Variants in PDS5B observed in about 807,000 individuals in gnomAD.
PDS5B encodes the protein sister chromatid cohesion protein PDS5 homolog B.
PDS5B carries 51 observed loss-of-function variants against 184.1 expected under a neutral mutation model. The ratio of observed to expected loss-of-function variants is 0.28; its 90% CI spans 0.22 to 0.35. The LOEUF (loss-of-function observed/expected upper bound fraction) is 0.35, where lower values mean the gene tolerates loss of function less well. Among genes scored for constraint, PDS5B ranks in the 10% least tolerant of loss-of-function variants. The pLI is 1.00. For missense variants in PDS5B, 1,180 were observed against 1,723.3 expected, an observed-to-expected ratio of 0.68 and a Z score of 5.58; for synonymous variants, 566 against 569.2, an observed-to-expected ratio of 0.99 and a Z score of 0.08.
intron 13 of PDS5B, among the ~76,000 whole-genome samples, chr13:32,693,729 AC>A (rs1279114558): frequency 1.3e-4 from 20 of 150,896 alleles, no homozygotes; most frequent in African/African-American, 4.6e-4. Context: ...TATATCGAGT[AC>A]CTGTATGATT....
chr13:32,643,981 G>A (rs1045835420), intron 1 of PDS5B, among the ~76,000 whole-genome samples: 6 of 152,264 alleles, frequency 3.9e-5, no homozygotes, highest in African/African-American at 1.4e-4. Context: ...AGATAATCAT[G>A]TTGTCTGGAT....
rs200018260 is a variant in PDS5B, at chr13:32,664,909, A to G, written c.625-2855A>G. On this transcript the variant is annotated intron_variant, in intron 6 of 34. Transcript: ENST00000315596. ...AGCATGTGCACTTGTGTGTAATTTG[A>G]CAAGATGAATCTAAAACTGATGTGA... Among the ~76,000 whole-genome samples, 7 of 152,334 alleles carry G rather than the reference A, an allele frequency of 4.6e-5. No individual in the cohort carries two copies. The East Asian group carries it at 1.3e-3, about 29-fold the overall frequency.
At chr13:32,758,413 C>A in intron 27 of PDS5B, 121 bp from the exon 28 acceptor site, 1 of 1,062,408 alleles carries the variant, frequency 9.4e-7, no homozygotes, top group African/African-American at 1.6e-5. Context: ...GATGCTTACA[C>A]AGACTGTTGC....
At chr13:32,673,457 G>C in intron 8 of PDS5B, 101 bp downstream of exon 8, 1 of 921,436 alleles carries the variant, frequency 1.1e-6, no homozygotes, top group East Asian at 2.6e-5. Context: ...GAATGTAAGA[G>C]ATGAGGGGGA....
intron 13 of PDS5B, among the ~76,000 whole-genome samples, chr13:32,693,747 G>T (rs971492117): frequency 6.6e-6 from 1 of 150,744 alleles, no homozygotes; most frequent in Non-Finnish European, 1.5e-5. Flanking sequence ...GATTTTTTTA[G>T]ATTTAAATTT....
At chr13:32,669,660 C>T (rs757385024) in intron 7 of PDS5B, among the ~76,000 whole-genome samples, 9 of 152,090 alleles carry the variant, frequency 5.9e-5, no homozygotes, top group Non-Finnish European at 1.0e-4. Context: ...TAGAATCCTT[C>T]CCCCATGAAC....
chr13:32,696,456 C>G lies in PDS5B; in HGVS notation c.1552-398C>G, dbSNP rs148789076. Among the ~76,000 whole-genome samples, 353 of 152,064 alleles carry G rather than the reference C, an allele frequency of 2.3e-3. 2 individuals carry two copies. Among genetic ancestry groups the G allele is most frequent in the African/African-American group, 8.2e-3 (342 of 41,506 alleles). ...TACGTGTCAGTCACATCTTAATTGT[C>G]TTTCTCCAGTGTCTTCCCCATAAGC... On this transcript the variant is annotated intron_variant, in intron 14 of 34. Coordinates refer to ENST00000315596, the MANE Select transcript of PDS5B (RefSeq NM_015032.4).
At chr13:32,691,518 A>G (rs1348803803) in intron 13 of PDS5B, among the ~76,000 whole-genome samples, 1 of 152,120 alleles carries the variant, frequency 6.6e-6, no homozygotes, top group African/African-American at 2.4e-5. Flanking sequence ...TACACATGCA[A>G]GAGTTTCTCT....
chr13:32,639,779 C>G (rs1430011604), intron 1 of PDS5B, among the ~76,000 whole-genome samples: 2 of 152,176 alleles, frequency 1.3e-5, no homozygotes, highest in African/African-American at 2.4e-5. Context: ...TTTACAAAAT[C>G]TTATGTTTTC....
chr13:32,613,719 C>T (rs1182904887), intron 1 of PDS5B, among the ~76,000 whole-genome samples: 1 of 152,140 alleles, frequency 6.6e-6, no homozygotes, highest in Admixed American at 6.6e-5. Flanking sequence ...GCTTCTGAAG[C>T]ACAAAAGTTG....
At chr13:32,768,738 A>G (rs889282030) in intron 31 of PDS5B, among the ~76,000 whole-genome samples, 1 of 146,602 alleles carries the variant, frequency 6.8e-6, no homozygotes, top group Admixed American at 7.0e-5. Flanking sequence ...GGTTGCAGTG[A>G]GCCAAGATTG....
chr13:32,659,102 A>G, intron 5 of PDS5B, 52 bp from the exon 6 acceptor site: 4 of 1,392,348 alleles, frequency 2.9e-6, no homozygotes, highest in Non-Finnish European at 3.9e-6. Flanking sequence ...TCTTAAGAGT[A>G]AATCCTGTAT....
At chr13:32,715,624 G>GCTCTCC (rs200899146) in intron 19 of PDS5B, among the ~76,000 whole-genome samples, 24,335 of 151,436 alleles carry the variant, frequency 0.16, 2,552 homozygotes, top group Non-Finnish European at 0.24. Flanking sequence ...CACCAGTGTA[G>GCTCTCC]CTCTCCCTCT....
Position 32,770,343 on chromosome 13 carries a change from A to T in PDS5B, c.3847A>T (p.Ser1283Cys), listed in dbSNP as rs1954737726. 6.2e-7 allele frequency: 1 copy of T among 1,613,978 alleles called. No homozygotes were observed. The highest frequency in any genetic ancestry group is 1.3e-5 in the African/African-American group (1 of 74,980). The change falls in exon 32 of 35, where the codon AGT becomes TGT. Residue 1283 changes from serine to cysteine, a missense_variant. Ser to Cys is a moderately radical substitution (Grantham distance 112). This residue lies in a region of PDS5B where 465 missense variants were observed against 497.8 expected (regional missense o/e 0.93). Transcript: ENST00000315596. Reference sequence around the variant, plus strand: ...ATTAGAAAATGAAGATGAACAGAATAGTCCGCCAAAAAAGGGTAAAAGAGG... The same window carrying T: ...ATTAGAAAATGAAGATGAACAGAATTGTCCGCCAAAAAAGGGTAAAAGAGG... ...DILENEDEQN[S>C]PPKKGKRGRP...
intron 1 of PDS5B, among the ~76,000 whole-genome samples, chr13:32,613,925 G>T (rs1030783526): frequency 7.2e-5 from 11 of 152,178 alleles, no homozygotes; most frequent in Admixed American, 5.9e-4. Flanking sequence ...ATGGTATGAA[G>T]TAGGCATGCA....
intron 6 of PDS5B, among the ~76,000 whole-genome samples, chr13:32,665,829 T>TA (rs1246268612): frequency 6.6e-6 from 1 of 152,006 alleles, no homozygotes; most frequent in South Asian, 2.1e-4. Context: ...ATTCCAGCCA[T>TA]AAAAAAATGA....
At chr13:32,742,181 T>C (rs1050633733) in intron 22 of PDS5B, among the ~76,000 whole-genome samples, 1 of 152,216 alleles carries the variant, frequency 6.6e-6, no homozygotes, top group African/African-American at 2.4e-5. Flanking sequence ...AAGTAATGGG[T>C]GTAAAAATAC....
chr13:32,704,818 T>C (rs1333908531), intron 17 of PDS5B, among the ~76,000 whole-genome samples: 2 of 152,208 alleles, frequency 1.3e-5, no homozygotes, highest in Non-Finnish European at 2.9e-5. Context: ...GACATAGAGA[T>C]TCTGTACATT....
At chr13:32,658,113 T>G in intron 3 of PDS5B, 126 bp from the exon 4 acceptor site, 1 of 471,944 alleles carries the variant, frequency 2.1e-6, no homozygotes, top group South Asian at 4.4e-5. Flanking sequence ...AAATAAAATT[T>G]TTTTCTGGTT....
Sources: gnomAD v4.1 joint callset for allele counts (sites outside exome capture counted in the v4.1 genomes callset) on GRCh38, gnomAD v4.1.1 for gene constraint, gnomAD v4.1.1 regional missense constraint, MANE v1.5 for transcripts, NCBI Gene and HGNC (gene_info 2026-07-23, HGNC 2026-07-21) for gene names.